Variants in RYR1 observed in about 807,000 individuals in gnomAD.
RYR1 encodes the protein central core disease of muscle.
RYR1 carries 342 observed loss-of-function variants against 583.5 expected under a neutral mutation model. The ratio of observed to expected loss-of-function variants is 0.59; its 90% confidence interval spans 0.54 to 0.64. The LOEUF (loss-of-function observed/expected upper bound fraction) is 0.64, where lower values mean the gene tolerates loss of function less well. Ranked by LOEUF, RYR1 falls within the 30% of genes least tolerant of loss-of-function variation. The probability of loss-of-function intolerance (pLI) is 0.00; values close to 1 mark genes in which losing one functional copy is unlikely to be tolerated. For synonymous variants in RYR1, 2,791 were observed against 2,822.5 expected, an observed-to-expected ratio of 0.99 and a Z score of 0.35; for missense variants, 6,032 against 6,917.2, an observed-to-expected ratio of 0.87 and a Z score of 4.54.
intron 10 of RYR1, 60 bp downstream of exon 10, chr19:38,448,571 A>G: frequency 3.1e-6 from 5 of 1,613,994 alleles, no homozygotes; most frequent in Non-Finnish European, 4.2e-6. Flanking sequence ...CCCAGCCTGC[A>G]CTCTGCAGTC....
In RYR1 at chr19:38,492,623, G is replaced by A. The variant is rs376623643; in HGVS notation, c.6261G>A (p.Glu2087=). 2 of 1,612,322 alleles carry A rather than the reference G, an allele frequency of 1.2e-6. No individual in the cohort carries two copies. The highest frequency in any genetic ancestry group is 1.7e-6 in the Non-Finnish European group (2 of 1,179,426). ...AACCTGAGGAGGAGCGGTCAGCAGA[G>A]GAGAGCAAACCCCGTGAGGACTGGG... The part of the protein sequence containing the change: ...EEKPEEERSA[E]ESKPRSLQEL... Residue 2087 remains glutamate (E), a synonymous_variant, in exon 38 of 106, where the codon GAG becomes GAA. Coordinates refer to ENST00000359596, the MANE Select transcript of RYR1 (RefSeq NM_000540.3).
rs947866921 is a variant in RYR1 at position 38,566,939 on chromosome 19, C to G, written c.13466C>G (p.Pro4489Arg). 1 of 1,606,544 alleles carries G rather than the reference C, an allele frequency of 6.2e-7. No homozygotes were observed. Among genetic ancestry groups the G allele is most frequent in the South Asian group, 1.1e-5 (1 of 89,470 alleles). Residue 4489 changes from proline to arginine, a missense_variant, in exon 92 of 106, where the codon CCA becomes CGA. By Grantham distance (103) the Pro-to-Arg change is moderately radical (BLOSUM62 -2). Coordinates refer to ENST00000359596, the MANE Select transcript of RYR1 (RefSeq NM_000540.3). ...GVDGVEEELP[P>R]EPEPEPEPEL... ...GATGGAGTGGAGGAGGAGCTCCCGC[C>G]AGAGCCAGAGCCCGAGCCGGAACCA... is the stretch of plus-strand genomic sequence containing the variant.
intron 76 of RYR1, among the ~76,000 whole-genome samples, chr19:38,529,426 G>T (rs1330229125): frequency 2.6e-5 from 4 of 152,144 alleles, no homozygotes; most frequent in Non-Finnish European, 5.9e-5. Flanking sequence ...GTTGCAGTGA[G>T]CCGAGATCAT....
chr19:38,537,994 C>T (rs901036170), intron 84 of RYR1, 34 bp downstream of exon 84: 21 of 1,597,102 alleles, frequency 1.3e-5, no homozygotes, highest in Non-Finnish European at 9.4e-6. Flanking sequence ...GAGGGGAAGC[C>T]GAGGTTTGGG....
chr19:38,519,877 C>A (rs185687067), intron 67 of RYR1, among the ~76,000 whole-genome samples: 3 of 152,074 alleles, frequency 2.0e-5, no homozygotes, highest in Admixed American at 2.0e-4. Flanking sequence ...CAGATTTTCA[C>A]CATGTTGGCC....
intron 11 of RYR1, among the ~76,000 whole-genome samples, chr19:38,451,425 G>A (rs1967069349): frequency 6.6e-6 from 1 of 152,100 alleles, no homozygotes; most frequent in African/African-American, 2.4e-5. Flanking sequence ...TAAGTCAGCA[G>A]TAGGTACAGG....
chr19:38,496,725 C>G lies in RYR1; in HGVS notation c.6797-135C>G. 8.7e-7 allele frequency: 1 copy of G among 1,144,226 alleles called. No homozygotes were observed. The highest frequency in any genetic ancestry group is 1.3e-6 in the Non-Finnish European group (1 of 766,764). The allele number at this position is 1,144,226 out of a possible 1,614,324, so 70.9% of individuals were successfully genotyped here. A position where few individuals can be genotyped will look rare whatever the true frequency, so the allele number is the denominator to read the frequency against. ...CCCAATAGTGACAGCCCAGAGTGGTCAGAGCTTGGATGAGGGAAGTACAGA... is the reference window on the plus strand; with the variant it reads ...CCCAATAGTGACAGCCCAGAGTGGTGAGAGCTTGGATGAGGGAAGTACAGA... On this transcript the variant is annotated intron_variant, in intron 41 of 105. Coordinates refer to ENST00000359596, the MANE Select transcript of RYR1 (RefSeq NM_000540.3). The surrounding 1 kb of genome is among the most constrained non-coding windows in gnomAD (Gnocchi z 4.8).
intron 69 of RYR1, 88 bp from the exon 70 acceptor site, chr19:38,523,827 G>A: frequency 4.5e-6 from 7 of 1,558,842 alleles, no homozygotes; most frequent in Non-Finnish European, 6.2e-6. Context: ...CAGAGGAGGT[G>A]GGGTGCTGGC....
chr19:38,477,892 G>T, intron 30 of RYR1, 22 bp downstream of exon 30: 1 of 1,540,888 alleles, frequency 6.5e-7, no homozygotes, highest in South Asian at 1.1e-5. Context: ...GGGGGGAGGT[G>T]GGAGGTGCAG....
At chr19:38,449,411 A>G (rs1966962626) in intron 11 of RYR1, among the ~76,000 whole-genome samples, 1 of 152,066 alleles carries the variant, frequency 6.6e-6, no homozygotes, top group Non-Finnish European at 1.5e-5. Flanking sequence ...GAGTGAGCCA[A>G]TATCGTGCCA....
chr19:38,449,954 T>G (rs1004861775), intron 11 of RYR1, among the ~76,000 whole-genome samples: 3 of 152,162 alleles, frequency 2.0e-5, no homozygotes, highest in Non-Finnish European at 4.4e-5. Flanking sequence ...CTCAAACTCC[T>G]GGGGCTCAAG....
At position 38,561,359 on chromosome 19, in the gene RYR1, C is replaced by T; in HGVS notation, c.12529C>T (p.Leu4177=). The change falls in exon 90 of 106, where the codon CTG becomes TTG. Residue 4177 remains leucine, a synonymous_variant. Coordinates refer to ENST00000359596, the MANE Select transcript of RYR1 (RefSeq NM_000540.3). This position sits in a 1 kb window ranked among gnomAD's most constrained non-coding sequence, Gnocchi z 4.8. ...ESILEYFRPY[L]GRIEIMGASR... is the part of the protein sequence containing the mutation. ...CATCCTTGAGTACTTCCGCCCCTACCTGGGCCGCATCGAGATCATGGGCGC... is the reference window on the plus strand; with the variant it reads ...CATCCTTGAGTACTTCCGCCCCTACTTGGGCCGCATCGAGATCATGGGCGC... The T allele has an allele frequency of 6.2e-7, 1 of 1,613,914 alleles. No individual in the cohort carries two copies. Among genetic ancestry groups the T allele is most frequent in the Non-Finnish European group, 8.5e-7 (1 of 1,180,036 alleles).
chr19:38,532,077 G>A (rs189537194), intron 76 of RYR1, among the ~76,000 whole-genome samples: 1 of 151,558 alleles, frequency 6.6e-6, no homozygotes, highest in African/African-American at 2.4e-5. Flanking sequence ...GAGTCACACA[G>A]CCTGAACATG....
chr19:38,523,864 T>G (rs905591907), intron 69 of RYR1, 51 bp from the exon 70 acceptor site: 1 of 1,613,652 alleles, frequency 6.2e-7, no homozygotes, highest in African/African-American at 1.3e-5. Context: ...TGGGCTTCTC[T>G]GCGGGGCTGG....
intron 92 of RYR1, 28 bp from the exon 93 acceptor site, chr19:38,567,745 C>T: frequency 6.2e-7 from 1 of 1,614,186 alleles, no homozygotes; most frequent in Non-Finnish European, 8.5e-7. Flanking sequence ...CCAGGCACCT[C>T]CTGACCTCTC....
chr19:38,502,569 G>T lies in RYR1; in HGVS notation c.7677G>T (p.Leu2559=). ...ACCGCTACCTGTGCCTGGCCGTGCT[G>T]CCGCTCATCACCAAGTGTGCGCCGC... ...ALNRYLCLAV[L]PLITKCAPLF... is the part of the protein sequence containing the mutation. The change falls in exon 48 of 106, where the codon CTG becomes CTT. Residue 2559 remains leucine (L), a synonymous_variant. Coordinates refer to ENST00000359596, the MANE Select transcript of RYR1 (RefSeq NM_000540.3). The T allele has an allele frequency of 6.2e-7, 1 of 1,612,080 alleles. No individual in the cohort carries two copies.
At chr19:38,559,923 C>T (rs184038613) in intron 89 of RYR1, among the ~76,000 whole-genome samples, 2 of 149,180 alleles carry the variant, frequency 1.3e-5, no homozygotes, top group East Asian at 3.9e-4. Context: ...TGTCATGAAA[C>T]CTTTTTTTTT....
chr19:38,483,672 A>G lies in RYR1; in HGVS notation c.4934+156A>G, dbSNP rs1208389402. 1.3e-5 allele frequency among the ~76,000 whole-genome samples: 2 copies of G among 152,018 alleles called. No homozygotes were observed. The highest frequency in any genetic ancestry group is 2.9e-5 in the Non-Finnish European group (2 of 67,974). ...CTCAGGGGACTCGGGCTCAGCTCAG[A>G]CATCCCCAGATTATGTCCCAGGGGG... On this transcript the variant is annotated intron_variant, in intron 33 of 105. Transcript: ENST00000359596. This position sits in a 1 kb window ranked among gnomAD's most constrained non-coding sequence, Gnocchi z 6.3.
chr19:38,469,627 A>G, intron 27 of RYR1, 114 bp downstream of exon 27: 1 of 1,113,054 alleles, frequency 9.0e-7, no homozygotes, highest in Non-Finnish European at 1.3e-6. Flanking sequence ...ACCACATGGA[A>G]GCAAGTGTCA....
Sources: gnomAD v4.1 joint callset for allele counts (sites outside exome capture counted in the v4.1 genomes callset) on GRCh38, gnomAD v4.1.1 for gene constraint, Gnocchi (gnomAD v3.1) non-coding constraint, MANE v1.5 for transcripts, NCBI Gene and HGNC (gene_info 2026-07-23, HGNC 2026-07-21) for gene names.